DDX4: variants seen among roughly 807,000 people sequenced by gnomAD.
DDX4 encodes the protein DEAD-box helicase 4.
A neutral mutation model predicts 100.0 loss-of-function variants in DDX4; 25 were observed. The observed-to-expected ratio is 0.25, with a 90% confidence interval of 0.18 to 0.35. The LOEUF (loss-of-function observed/expected upper bound fraction) is 0.35, where lower values mean the gene tolerates loss of function less well. Ranked by LOEUF, DDX4 falls within the 10% of genes least tolerant of loss-of-function variation. DDX4 has a pLI of 1.00. For synonymous variants in DDX4, 259 were observed against 275.7 expected, an observed-to-expected ratio of 0.94 and a Z score of 0.60; for missense variants, 635 against 882.4, an observed-to-expected ratio of 0.72 and a Z score of 3.55.
rs1002834426 is a variant in DDX4, at chr5:55,738,083, G to A, written c.-33G>A. The A allele has an allele frequency of 2.0e-5, 3 of 152,338 alleles. No individual in the cohort carries two copies. The highest frequency in any genetic ancestry group is 4.8e-5 in the African/African-American group (2 of 41,478). The allele number at this position is 152,338 out of a possible 1,614,324, so 9.4% of individuals were successfully genotyped here. ...CGCGTGGGCGCCTGCGAGGGCTTGG[G>A]AGAGCAAGCCGCGGAGAGGTGAGTG... is the stretch of plus-strand genomic sequence containing the variant. On this transcript the variant is annotated 5_prime_UTR_variant, in exon 1 of 22. Transcript: ENST00000505374.
chr5:55,772,653 G>T (rs193291035), intron 7 of DDX4, among the ~76,000 whole-genome samples: 1 of 152,122 alleles, frequency 6.6e-6, no homozygotes, highest in African/African-American at 2.4e-5. Flanking sequence ...CTGTTTCCTT[G>T]TGGGGCTGTT....
chr5:55,753,386 A>T (rs538972594), intron 3 of DDX4, among the ~76,000 whole-genome samples: 79 of 152,288 alleles, frequency 5.2e-4, no homozygotes, highest in African/African-American at 1.5e-3. Context: ...AGCTTTCTAC[A>T]TATGGCTAGC....
At chr5:55,760,137 A>G in intron 3 of DDX4, 63 bp from the exon 4 acceptor site, 2 of 1,517,398 alleles carry the variant, frequency 1.3e-6, no homozygotes, top group Non-Finnish European at 1.8e-6. Flanking sequence ...CAGAAGGCTT[A>G]AGGTTTGCAA....
At chr5:55,782,823 TCTCA>T (rs1742007408) in intron 10 of DDX4, among the ~76,000 whole-genome samples, 1 of 147,888 alleles carries the variant, frequency 6.8e-6, no homozygotes, top group African/African-American at 2.5e-5. Context: ...TGAGACAGAG[TCTCA>T]CTCTGTCACC....
chr5:55,751,391 G>A (rs1759541265), intron 3 of DDX4, among the ~76,000 whole-genome samples: 1 of 152,072 alleles, frequency 6.6e-6, no homozygotes, highest in Admixed American at 6.6e-5. Flanking sequence ...GCACCACCAT[G>A]TCTGGCTGAT....
chr5:55,762,670 C>T (rs1740638004), intron 4 of DDX4, among the ~76,000 whole-genome samples: 1 of 151,784 alleles, frequency 6.6e-6, no homozygotes, highest in Non-Finnish European at 1.5e-5. Context: ...AATAGTATGG[C>T]GAGATGGGGA....
At chr5:55,756,131 T>C (rs1287793586) in intron 3 of DDX4, among the ~76,000 whole-genome samples, 2 of 152,180 alleles carry the variant, frequency 1.3e-5, no homozygotes, top group Non-Finnish European at 2.9e-5. Context: ...TAGTTTCCAG[T>C]ATTTGCCTGT....
At chr5:55,748,364 GT>G (rs1759357817) in intron 3 of DDX4, among the ~76,000 whole-genome samples, 1 of 152,140 alleles carries the variant, frequency 6.6e-6, no homozygotes, top group Non-Finnish European at 1.5e-5. Flanking sequence ...GAGAAACCTG[GT>G]TTTTTGAGGT....
intron 10 of DDX4, chr5:55,782,230 G>A: frequency 2.5e-6 from 1 of 405,856 alleles, no homozygotes; most frequent in African/African-American, 2.0e-5. Context: ...AGATGTATTT[G>A]GAAATAAATG....
At chr5:55,764,210 A>G in intron 6 of DDX4, 146 bp downstream of exon 6, 2 of 626,256 alleles carry the variant, frequency 3.2e-6, no homozygotes, top group Non-Finnish European at 5.6e-6. Context: ...AGCCTTAACC[A>G]AGGATATTAC....
chr5:55,815,195 A>C (rs1196244452), intron 20 of DDX4, 24 bp downstream of exon 20: 1 of 1,610,150 alleles, frequency 6.2e-7, no homozygotes, highest in African/African-American at 1.3e-5. Context: ...TTATGATGGA[A>C]TGGATAGTTT....
chr5:55,767,978 A>G, intron 7 of DDX4, 38 bp downstream of exon 7: 1 of 1,568,860 alleles, frequency 6.4e-7, no homozygotes, highest in South Asian at 1.1e-5. Context: ...TACTTAACAC[A>G]GAGACACTAA....
At chr5:55,814,294 C>T (rs914644419) in intron 19 of DDX4, among the ~76,000 whole-genome samples, 3 of 152,138 alleles carry the variant, frequency 2.0e-5, no homozygotes, top group Non-Finnish European at 4.4e-5. Flanking sequence ...GACTATAAAG[C>T]ATAGAGATTA....
intron 2 of DDX4, among the ~76,000 whole-genome samples, chr5:55,739,460 T>A (rs764888101): frequency 1.3e-5 from 2 of 152,208 alleles, no homozygotes; most frequent in Non-Finnish European, 2.9e-5. Context: ...GTTGGTAACA[T>A]CAGTTTGTAT....
chr5:55,754,804 G>A (rs1759824179), intron 3 of DDX4, among the ~76,000 whole-genome samples: 1 of 151,210 alleles, frequency 6.6e-6, no homozygotes, highest in South Asian at 2.1e-4. Flanking sequence ...ATCTGGTCCT[G>A]GACTCTTTTT....
chr5:55,801,923 A>T (rs186378610), intron 18 of DDX4, among the ~76,000 whole-genome samples: 5 of 152,164 alleles, frequency 3.3e-5, no homozygotes, highest in African/African-American at 1.2e-4. Context: ...AAGGTCCCCC[A>T]TATTTCCTGT....
intron 4 of DDX4, among the ~76,000 whole-genome samples, chr5:55,760,927 T>C (rs1740498078): frequency 1.3e-5 from 2 of 152,184 alleles, no homozygotes; most frequent in African/African-American, 4.8e-5. Flanking sequence ...TTTTATCTTT[T>C]AGGGGATGCC....
At chr5:55,750,990 T>C (rs1340109545) in intron 3 of DDX4, among the ~76,000 whole-genome samples, 1 of 152,178 alleles carries the variant, frequency 6.6e-6, no homozygotes. Flanking sequence ...TATGTTCATT[T>C]ATGGGCCAGA....
Position 55,767,862 on chromosome 5 carries a change from T to C in DDX4, c.335-19T>C. The C allele has an allele frequency of 6.2e-7, 1 of 1,601,044 alleles. No individual in the cohort carries two copies. Among genetic ancestry groups the C allele is most frequent in the Non-Finnish European group, 8.5e-7 (1 of 1,170,060 alleles). ...TTAAGTTAATTAAATGCTATTTACATGTTAAATTTTTATTGAAGAGTCTAG... is the reference window on the plus strand; with the variant it reads ...TTAAGTTAATTAAATGCTATTTACACGTTAAATTTTTATTGAAGAGTCTAG... On this transcript the variant is annotated intron_variant, in intron 6 of 21. Coordinates refer to ENST00000505374, the MANE Select transcript of DDX4 (RefSeq NM_024415.3).
Sources: gnomAD v4.1 joint callset for allele counts (sites outside exome capture counted in the v4.1 genomes callset) on GRCh38, gnomAD v4.1.1 for gene constraint, MANE v1.5 for transcripts, NCBI Gene and HGNC (gene_info 2026-07-23, HGNC 2026-07-21) for gene names.